Variants in FBXL13 observed in about 807,000 individuals in gnomAD.
The protein encoded by FBXL13 is F-box and leucine-rich repeat protein 13.
A neutral mutation model predicts 83.6 loss-of-function variants in FBXL13; 67 were observed. The observed-to-expected ratio is 0.80, with a 90% confidence interval of 0.66 to 0.98. The LOEUF (loss-of-function observed/expected upper bound fraction) is 0.98. Among genes scored for constraint, FBXL13 ranks in the 50% least tolerant of loss-of-function variants. The pLI is 0.00. For synonymous variants in FBXL13, 272 were observed against 299.5 expected (o/e 0.91, Z 0.95); for missense variants, 822 against 866.5 (o/e 0.95, Z 0.64).
chr7:102,995,450 C>T (rs181765697), intron 6 of FBXL13, among the ~76,000 whole-genome samples: 5 of 129,026 alleles, frequency 3.9e-5, no homozygotes, highest in Non-Finnish European at 6.3e-5. Flanking sequence ...CACTGCACTC[C>T]AGCCTGGATG....
intron 17 of FBXL13, among the ~76,000 whole-genome samples, chr7:102,853,898 T>C (rs923726165): frequency 2.0e-5 from 3 of 152,074 alleles, no homozygotes; most frequent in African/African-American, 4.8e-5. Context: ...TGTGGAGAAA[T>C]AGGAACACTT....
intron 16 of FBXL13, among the ~76,000 whole-genome samples, chr7:102,861,161 T>C (rs989119609): frequency 6.6e-6 from 1 of 152,186 alleles, no homozygotes; most frequent in East Asian, 1.9e-4. Context: ...AGTATAGACA[T>C]ATATAGTATT....
chr7:102,835,257 A>G (rs1801672402), intron 17 of FBXL13, among the ~76,000 whole-genome samples: 1 of 152,206 alleles, frequency 6.6e-6, no homozygotes, highest in African/African-American at 2.4e-5. Flanking sequence ...CGTGATGGCA[A>G]AAATTAGAAG....
At chr7:103,021,029 A>G (rs1301586775) in intron 6 of FBXL13, among the ~76,000 whole-genome samples, 1 of 152,202 alleles carries the variant, frequency 6.6e-6, no homozygotes, top group Non-Finnish European at 1.5e-5. Context: ...TGCCAAGACA[A>G]TCCTAAGCAA....
chr7:102,983,422 CTT>C (rs372458751), intron 6 of FBXL13, among the ~76,000 whole-genome samples: 34 of 111,522 alleles, frequency 3.0e-4, no homozygotes, highest in Admixed American at 3.7e-4. Flanking sequence ...CTTTTTTCCC[CTT>C]TTTTTTTTTT....
chr7:102,893,764 T>C, intron 11 of FBXL13, among the ~76,000 whole-genome samples: 1 of 112,560 alleles, frequency 8.9e-6, no homozygotes, highest in African/African-American at 3.6e-5. Flanking sequence ...CAAGACTCTG[T>C]CTCAAAAAAA....
At chr7:102,898,312 T>C (rs1212066284) in intron 11 of FBXL13, among the ~76,000 whole-genome samples, 1 of 152,150 alleles carries the variant, frequency 6.6e-6, no homozygotes, top group Non-Finnish European at 1.5e-5. Flanking sequence ...GCAACGTACA[T>C]GAATGTTCAT....
intron 6 of FBXL13, among the ~76,000 whole-genome samples, chr7:102,976,405 CTCTT>C (rs1827465807): frequency 6.6e-6 from 1 of 152,160 alleles, no homozygotes; most frequent in African/African-American, 2.4e-5. Flanking sequence ...CCTTCACTCA[CTCTT>C]TCTTAGTCCT....
chr7:102,887,044 C>A (rs1218650781), intron 11 of FBXL13, among the ~76,000 whole-genome samples: 1 of 152,164 alleles, frequency 6.6e-6, no homozygotes, highest in Non-Finnish European at 1.5e-5. Flanking sequence ...AAAGCCTGAA[C>A]AAATTTATGG....
chr7:102,958,564 T>TAAA (rs1424307933), intron 8 of FBXL13, among the ~76,000 whole-genome samples: 5 of 110,494 alleles, frequency 4.5e-5, no homozygotes, highest in African/African-American at 1.6e-4. Context: ...ATAATAATAA[T>TAAA]AATAAAACAG....
chr7:102,910,403 G>A (rs988402984), intron 11 of FBXL13, among the ~76,000 whole-genome samples: 2 of 149,618 alleles, frequency 1.3e-5, no homozygotes, highest in African/African-American at 2.5e-5. Context: ...TTTTCTTTGT[G>A]TGTTGGGGGG....
intron 6 of FBXL13, among the ~76,000 whole-genome samples, chr7:103,010,638 G>T (rs1272200311): frequency 6.6e-6 from 1 of 152,090 alleles, no homozygotes; most frequent in Non-Finnish European, 1.5e-5. Flanking sequence ...GGTCCCTGTG[G>T]AGAGTATGAA....
chr7:103,006,436 TA>T (rs780017255), intron 6 of FBXL13, among the ~76,000 whole-genome samples: 1 of 152,020 alleles, frequency 6.6e-6, no homozygotes. Context: ...ATTTATAAGT[TA>T]AAACAAACCA....
At chr7:103,056,022 G>T (rs759120533) in intron 1 of FBXL13, among the ~76,000 whole-genome samples, 1 of 151,864 alleles carries the variant, frequency 6.6e-6, no homozygotes, top group Non-Finnish European at 1.5e-5. Flanking sequence ...TTTCCCCCAA[G>T]TCCCCAAAGT....
intron 5 of FBXL13, among the ~76,000 whole-genome samples, chr7:103,025,949 C>G (rs935421071): frequency 1.3e-5 from 2 of 150,904 alleles, no homozygotes; most frequent in Non-Finnish European, 2.9e-5. Context: ...AATCATATAT[C>G]TAGAAAAAAA....
chr7:103,046,384 T>C (rs750198190), intron 2 of FBXL13, among the ~76,000 whole-genome samples: 2 of 152,242 alleles, frequency 1.3e-5, no homozygotes, highest in Non-Finnish European at 2.9e-5. Flanking sequence ...TTATTGCCTC[T>C]TTTATTCTAA....
intron 8 of FBXL13, chr7:102,934,290 T>C (rs752916887): frequency 6.2e-7 from 1 of 1,614,126 alleles, no homozygotes; most frequent in South Asian, 1.1e-5. Context: ...GAGGCGTTCT[T>C]TGGTTTAAAC....
At chr7:102,929,893 AAT>A (rs1271493210) in intron 9 of FBXL13, among the ~76,000 whole-genome samples, 5 of 152,054 alleles carry the variant, frequency 3.3e-5, no homozygotes, top group African/African-American at 1.2e-4. Flanking sequence ...ATTTAATCTC[AAT>A]ATAAATATAA....
intron 6 of FBXL13, among the ~76,000 whole-genome samples, chr7:102,978,154 T>G (rs150303850): frequency 5.9e-5 from 9 of 152,252 alleles, no homozygotes; most frequent in African/African-American, 2.2e-4. Context: ...ATCCAGACAA[T>G]GCTCCTGCTA....
Sources: allele counts gnomAD v4.1 joint callset (sites outside exome capture counted in the v4.1 genomes callset), GRCh38; gene constraint gnomAD v4.1.1; transcripts MANE v1.5; gene names NCBI Gene and HGNC (gene_info 2026-07-23, HGNC 2026-07-21).